The following KALRN variants were observed in gnomAD, a reference collection of about 807,000 sequenced individuals.
The protein encoded by KALRN is kalirin.
A neutral mutation model predicts 353.7 loss-of-function variants in KALRN; 70 were observed. The observed-to-expected ratio is 0.20, with a 90% CI of 0.16 to 0.24. The LOEUF (loss-of-function observed/expected upper bound fraction) is 0.24. Ranked by LOEUF, KALRN falls within the 10% of genes least tolerant of loss-of-function variation. The pLI, the probability that KALRN is intolerant of heterozygous loss-of-function variation, is 1.00. For synonymous variants in KALRN, 1,391 were observed against 1,434.8 expected, an observed-to-expected ratio of 0.97 and a Z score of 0.69; for missense variants, 2,791 against 3,756.7, an observed-to-expected ratio of 0.74 and a Z score of 6.72.
chr3:124,334,562 C>A lies in KALRN; in HGVS notation c.1647+67C>A. Reference sequence around the variant, plus strand: ...AGGCAGACCGAGCTCAAGTCCCTGACCTAGGTGATCAGGCTTAGGAGAGCC... The same window carrying A: ...AGGCAGACCGAGCTCAAGTCCCTGAACTAGGTGATCAGGCTTAGGAGAGCC... On this transcript the variant is annotated intron_variant, in intron 9 of 59. Coordinates refer to ENST00000682506, the MANE Select transcript of KALRN (RefSeq NM_001388419.1). The surrounding 1 kb of genome is among the most constrained non-coding windows in gnomAD (Gnocchi z 4.2). 1 of 1,130,350 alleles carries A rather than the reference C, an allele frequency of 8.8e-7. No individual in the cohort carries two copies. The highest frequency in any genetic ancestry group is 1.4e-5 in the South Asian group (1 of 71,100). The allele number at this position is 1,130,350 out of a possible 1,614,324, so 70.0% of individuals were successfully genotyped here. A position where few individuals can be genotyped will look rare whatever the true frequency, so the allele number is the denominator to read the frequency against.
At chr3:124,703,483 A>G (rs1051237351) in intron 57 of KALRN, among the ~76,000 whole-genome samples, 3 of 152,104 alleles carry the variant, frequency 2.0e-5, no homozygotes, top group African/African-American at 4.8e-5. Context: ...ATACTGTTTG[A>G]GCAGATTTAA....
chr3:124,045,190 A>G (rs755287919), intron 1 of KALRN, among the ~76,000 whole-genome samples: 8 of 151,938 alleles, frequency 5.3e-5, no homozygotes, highest in Non-Finnish European at 8.8e-5. Flanking sequence ...GGCTAGGAGG[A>G]GGGGTCTGGG....
intron 37 of KALRN, among the ~76,000 whole-genome samples, chr3:124,643,232 C>T (rs1373921831): frequency 6.6e-6 from 1 of 152,026 alleles, no homozygotes; most frequent in African/African-American, 2.4e-5. Context: ...GGGCTGGTCT[C>T]AAATTCCTAG....
chr3:124,654,625 C>T (rs903779200), intron 38 of KALRN, among the ~76,000 whole-genome samples: 3 of 152,154 alleles, frequency 2.0e-5, no homozygotes, highest in Admixed American at 2.0e-4. Context: ...GGACAAAAGA[C>T]AGAAAGAGTG....
chr3:124,502,039 TGTAG>T (rs1408285660), intron 33 of KALRN, among the ~76,000 whole-genome samples: 1 of 152,238 alleles, frequency 6.6e-6, no homozygotes, highest in Non-Finnish European at 1.5e-5. Context: ...TTATTTTCCC[TGTAG>T]GGATTAGTGC....
chr3:124,206,855 C>A (rs1348964862), intron 1 of KALRN, among the ~76,000 whole-genome samples: 2 of 151,616 alleles, frequency 1.3e-5, no homozygotes, highest in Non-Finnish European at 2.9e-5. Context: ...TCCATTTAGT[C>A]ACTTATTATT....
intron 23 of KALRN, 128 bp from the exon 24 acceptor site, chr3:124,461,762 G>C (rs1241713252): frequency 1.5e-6 from 1 of 667,078 alleles, no homozygotes; most frequent in African/African-American, 1.8e-5. Context: ...GAAAGGAAAA[G>C]ACCTGTTGAT....
intron 5 of KALRN, among the ~76,000 whole-genome samples, chr3:124,270,752 G>C (rs961767025): frequency 6.6e-6 from 1 of 150,822 alleles, no homozygotes; most frequent in African/African-American, 2.4e-5. Context: ...GGAGCCAGCT[G>C]TTCTGTGAAG....
intron 1 of KALRN, among the ~76,000 whole-genome samples, chr3:124,207,007 T>C (rs930858192): frequency 3.3e-5 from 5 of 152,156 alleles, no homozygotes; most frequent in Admixed American, 6.5e-5. Flanking sequence ...GAAGGGACTA[T>C]TGGGCTAGCT....
chr3:124,672,604 A>G (rs2086601037), intron 48 of KALRN, among the ~76,000 whole-genome samples: 1 of 152,204 alleles, frequency 6.6e-6, no homozygotes, highest in South Asian at 2.1e-4. Context: ...TCTGACTTGG[A>G]TTGAATGTTT....
intron 14 of KALRN, among the ~76,000 whole-genome samples, chr3:124,422,237 G>C (rs902094050): frequency 1.3e-5 from 2 of 152,092 alleles, no homozygotes; most frequent in Non-Finnish European, 2.9e-5. Context: ...TTTTTTTAGA[G>C]GGCCTAAGTA....
chr3:124,660,191 C>G (rs969240740), intron 43 of KALRN, among the ~76,000 whole-genome samples: 1 of 152,118 alleles, frequency 6.6e-6, no homozygotes, highest in African/African-American at 2.4e-5. Context: ...CCTTGGCCTC[C>G]CAAAGTGTTG....
intron 37 of KALRN, 35 bp from the exon 38 acceptor site, chr3:124,650,773 T>A: frequency 6.4e-7 from 1 of 1,565,942 alleles, no homozygotes; most frequent in Non-Finnish European, 8.6e-7. Context: ...CTTTTCAAAG[T>A]ACACTTCTCT....
At chr3:124,151,413 G>A (rs186376595) in intron 1 of KALRN, among the ~76,000 whole-genome samples, 1 of 152,274 alleles carries the variant, frequency 6.6e-6, no homozygotes. Context: ...TGGGCGTTAT[G>A]TTTTTGTTTT....
intron 58 of KALRN, among the ~76,000 whole-genome samples, chr3:124,714,318 T>C (rs1052941559): frequency 6.6e-6 from 1 of 152,206 alleles, no homozygotes; most frequent in Non-Finnish European, 1.5e-5. Context: ...CAGTGAAAGG[T>C]ATTGTCACTG....
intron 57 of KALRN, among the ~76,000 whole-genome samples, chr3:124,712,550 T>C (rs1041988019): frequency 6.3e-4 from 95 of 151,238 alleles, no homozygotes; most frequent in African/African-American, 2.2e-3. Flanking sequence ...TCCCAGCGCT[T>C]TGGGAGGCCG....
At position 124,410,357 on chromosome 3, in the gene KALRN, G is replaced by T. The variant is rs528346339; in HGVS notation, c.2347-3113G>T. The T allele has an allele frequency of 5.1e-5, 24 of 471,036 alleles. No homozygotes were observed. The East Asian group carries it at 1.5e-3, about 29-fold the overall frequency. 29.2% of individuals were successfully genotyped at this position (471,036 alleles called of 1,614,324 possible). ...GCAGGCTCTTCCTTTCATGCTTGTT[G>T]TCTTAGTTTTATTCTAATTCCCCTT... is the stretch of plus-strand genomic sequence containing the variant. On this transcript the variant is annotated intron_variant, in intron 13 of 59. Coordinates refer to ENST00000682506, the MANE Select transcript of KALRN (RefSeq NM_001388419.1).
intron 49 of KALRN, 153 bp downstream of exon 49, chr3:124,674,767 C>T: frequency 1.4e-6 from 1 of 723,870 alleles, no homozygotes; most frequent in Non-Finnish European, 2.1e-6. Context: ...GTGCTGACAC[C>T]ATATGCAACA....
At chr3:124,523,497 C>A (rs1330652021) in intron 33 of KALRN, among the ~76,000 whole-genome samples, 1 of 152,204 alleles carries the variant, frequency 6.6e-6, no homozygotes, top group African/African-American at 2.4e-5. Flanking sequence ...GAAAGCAAAC[C>A]TGCTGGGGGA....
Sources: gnomAD v4.1 joint callset for allele counts (sites outside exome capture counted in the v4.1 genomes callset) on GRCh38, gnomAD v4.1.1 for gene constraint, Gnocchi (gnomAD v3.1) non-coding constraint, MANE v1.5 for transcripts, NCBI Gene and HGNC (gene_info 2026-07-23, HGNC 2026-07-21) for gene names.